NEXN: variants seen among roughly 807,000 people sequenced by gnomAD.
The protein encoded by NEXN is nexilin.
Under a neutral mutation model 92.6 loss-of-function variants are expected in NEXN, and 65 were observed. The observed-to-expected ratio is 0.70, with a 90% CI of 0.57 to 0.86. The LOEUF is 0.86. NEXN is among the 40% of genes least tolerant of loss of function. The pLI is 0.00. For synonymous variants in NEXN, 254 were observed against 242.5 expected, an observed-to-expected ratio of 1.05 and a Z score of -0.44; for missense variants, 778 against 771.1, an observed-to-expected ratio of 1.01 and a Z score of -0.11.
rs139591639 is a variant in NEXN, at chr1:77,938,101, T to C, written c.1473+2057T>C. Among the ~76,000 whole-genome samples, 224 of 152,162 alleles carry C rather than the reference T, an allele frequency of 1.5e-3. 1 individual carries two copies. Among genetic ancestry groups the C allele is most frequent in the African/African-American group, 5.3e-3 (219 of 41,512 alleles). On this transcript the variant is annotated intron_variant, in intron 11 of 12. Coordinates refer to ENST00000334785, the MANE Select transcript of NEXN (RefSeq NM_144573.4). ...CAATACGGGAAACCAGACTAGAGTT[T>C]GGAAGGAAAAGAGGTTCCATAAGCT...
At chr1:77,923,770 C>T (rs376770614) in intron 5 of NEXN, among the ~76,000 whole-genome samples, 4 of 150,462 alleles carry the variant, frequency 2.7e-5, no homozygotes, top group Admixed American at 6.7e-5. Context: ...CTCTGCCTCC[C>T]GGGTTCACAC....
intron 1 of NEXN, among the ~76,000 whole-genome samples, chr1:77,890,862 A>G (rs989092588): frequency 6.6e-6 from 1 of 152,208 alleles, no homozygotes; most frequent in Admixed American, 6.5e-5. Context: ...ACGTTTTTAT[A>G]GAAGAGAGGA....
chr1:77,923,537 T>C (rs1334627134), intron 5 of NEXN, among the ~76,000 whole-genome samples: 2 of 152,096 alleles, frequency 1.3e-5, no homozygotes, highest in Admixed American at 1.3e-4. Context: ...ATTGCTTTTG[T>C]TTTCTTTTCC....
chr1:77,923,297 G>T (rs781063504), intron 5 of NEXN, among the ~76,000 whole-genome samples: 1 of 151,404 alleles, frequency 6.6e-6, no homozygotes, highest in African/African-American at 2.4e-5. Context: ...GCCTGGCCAG[G>T]TATCTTAATA....
chr1:77,925,695 C>T (rs987958713), intron 6 of NEXN, among the ~76,000 whole-genome samples: 4 of 152,216 alleles, frequency 2.6e-5, no homozygotes, highest in African/African-American at 9.6e-5. Flanking sequence ...TTTTAGTCAT[C>T]CCTTTTATCT....
intron 1 of NEXN, among the ~76,000 whole-genome samples, chr1:77,904,712 A>G (rs565057856): frequency 2.0e-5 from 3 of 152,336 alleles, no homozygotes; most frequent in East Asian, 3.9e-4. Context: ...GAAATCATTG[A>G]TCTTAGTCAT....
At chr1:77,888,920 C>CAGCT (rs1003230923) in intron 1 of NEXN, 161 bp downstream of exon 1, 6 of 152,518 alleles carry the variant, frequency 3.9e-5, no homozygotes, top group African/African-American at 1.4e-4. Flanking sequence ...GGGCGCCATA[C>CAGCT]AGCTGTGGTC....
chr1:77,923,528 T>C (rs1204684861), intron 5 of NEXN, among the ~76,000 whole-genome samples: 1 of 152,090 alleles, frequency 6.6e-6, no homozygotes, highest in Non-Finnish European at 1.5e-5. Context: ...CATTTTCCCA[T>C]TGCTTTTGTT....
At chr1:77,937,434 AT>A (rs1193999259) in intron 11 of NEXN, among the ~76,000 whole-genome samples, 2 of 152,056 alleles carry the variant, frequency 1.3e-5, no homozygotes, top group African/African-American at 2.4e-5. Flanking sequence ...CACGCCTGTA[AT>A]CCCAAGCACT....
At chr1:77,921,828 C>T (rs755603118) in intron 5 of NEXN, among the ~76,000 whole-genome samples, 6 of 152,050 alleles carry the variant, frequency 3.9e-5, no homozygotes, top group Non-Finnish European at 7.4e-5. Context: ...GGAGGATGAT[C>T]GCCTCAGCTC....
intron 11 of NEXN, among the ~76,000 whole-genome samples, chr1:77,939,939 T>C (rs966559720): frequency 6.6e-6 from 1 of 152,134 alleles, no homozygotes; most frequent in Non-Finnish European, 1.5e-5. Context: ...CCGGGCGTGG[T>C]GGCAGACGCC....
At chr1:77,892,412 A>G (rs1647129875) in intron 1 of NEXN, among the ~76,000 whole-genome samples, 1 of 152,228 alleles carries the variant, frequency 6.6e-6, no homozygotes, top group African/African-American at 2.4e-5. Flanking sequence ...GGCAGGTCAC[A>G]TGCTCTGCAT....
In NEXN at chr1:77,943,180, T is replaced by A. The variant is rs746839024; in HGVS notation, c.*351T>A. 6.6e-6 allele frequency: 2 copies of A among 302,028 alleles called. No homozygotes were observed. Among genetic ancestry groups the A allele is most frequent in the African/African-American group, 2.2e-5 (1 of 45,846 alleles). 18.7% of individuals were successfully genotyped at this position (302,028 alleles called of 1,614,324 possible). A position where few individuals can be genotyped will look rare whatever the true frequency, so the allele number is the denominator to read the frequency against. Reference sequence around the variant, plus strand: ...TACTCAATTATTCTATCAGAACCTATTATAAAGACTGTATTTCCCATAGAC... The same window carrying A: ...TACTCAATTATTCTATCAGAACCTAATATAAAGACTGTATTTCCCATAGAC... On this transcript the variant is annotated 3_prime_UTR_variant, in exon 13 of 13. Transcript: ENST00000334785.
At chr1:77,903,390 T>A (rs1647870774) in intron 1 of NEXN, among the ~76,000 whole-genome samples, 1 of 152,210 alleles carries the variant, frequency 6.6e-6, no homozygotes, top group African/African-American at 2.4e-5. Context: ...GTAGCTGCCC[T>A]ATAGCAACTG....
At chr1:77,912,078 C>CAAA (rs56678367) in intron 1 of NEXN, among the ~76,000 whole-genome samples, 4 of 76,458 alleles carry the variant, frequency 5.2e-5, no homozygotes, top group Admixed American at 3.1e-4. Flanking sequence ...GACTCTGTCT[C>CAAA]AAAAAAAAAA....
rs956607391 is a variant in NEXN at position 77,942,763 on chromosome 1, T to C, written c.1962T>C (p.Cys654=). Residue 654 remains cysteine, a synonymous_variant, in exon 13 of 13, where the codon TGT becomes TGC. Transcript: ENST00000334785. Reference sequence around the variant, plus strand: ...CAGAAGATGGAGGAGAGTATATGTGTAAAGCAGTCAACAATAAAGGATCTG... The same window carrying C: ...CAGAAGATGGAGGAGAGTATATGTGCAAAGCAGTCAACAATAAAGGATCTG... ...TFPEDGGEYM[C]KAVNNKGSAA... is the part of the protein sequence containing the mutation. The C allele has an allele frequency of 6.2e-7, 1 of 1,613,496 alleles. No homozygotes were observed. The highest frequency in any genetic ancestry group is 8.5e-7 in the Non-Finnish European group (1 of 1,179,656).
rs747307600 is a variant in NEXN at position 77,942,060 on chromosome 1, A to G, written c.1511A>G (p.Glu504Gly). 1 of 1,613,614 alleles carries G rather than the reference A, an allele frequency of 6.2e-7. No homozygotes were observed. The highest frequency in any genetic ancestry group is 8.5e-7 in the Non-Finnish European group (1 of 1,179,638). Residue 504 changes from glutamate (E) to glycine (G), a missense_variant, in exon 12 of 13, where the codon GAG (glutamate) becomes GGG (glycine). Coordinates refer to ENST00000334785, the MANE Select transcript of NEXN (RefSeq NM_144573.4). ...GATGTTAGGCCTGCAAGAAAAAGCGAGGCTCCATTTACTCACAAAGTGAAT... is the reference window on the plus strand; with the variant it reads ...GATGTTAGGCCTGCAAGAAAAAGCGGGGCTCCATTTACTCACAAAGTGAAT... ...DVDVRPARKSEAPFTHKVNMK... is the reference protein window; with the variant it reads ...DVDVRPARKSGAPFTHKVNMK...
intron 5 of NEXN, among the ~76,000 whole-genome samples, chr1:77,920,185 C>T (rs745424850): frequency 1.2e-4 from 18 of 152,084 alleles, no homozygotes; most frequent in African/African-American, 1.7e-4. Context: ...CATGAGCCAC[C>T]GCACCCGGCC....
At chr1:77,901,606 G>A (rs895668370) in intron 1 of NEXN, among the ~76,000 whole-genome samples, 1 of 152,050 alleles carries the variant, frequency 6.6e-6, no homozygotes, top group South Asian at 2.1e-4. Context: ...AGGTGCAATG[G>A]AGCCGAATTG....
Sources: allele counts gnomAD v4.1 joint callset (sites outside exome capture counted in the v4.1 genomes callset), GRCh38; gene constraint gnomAD v4.1.1; transcripts MANE v1.5; gene names NCBI Gene and HGNC (gene_info 2026-07-23, HGNC 2026-07-21).